The following HS6ST3 variants were observed in gnomAD, a reference collection of about 807,000 sequenced individuals.
HS6ST3 encodes the protein heparan-sulfate 6-O-sulfotransferase 3.
In HS6ST3, 12 loss-of-function variants were observed where a neutral mutation model predicts 36.7. The observed-to-expected ratio is 0.33, with a 90% confidence interval of 0.21 to 0.53. The LOEUF (loss-of-function observed/expected upper bound fraction) is 0.53. HS6ST3 is among the 20% of genes least tolerant of loss of function. HS6ST3 has a pLI of 0.95. For missense variants in HS6ST3, 584 were observed against 640.9 expected, an observed-to-expected ratio of 0.91 and a Z score of 0.96; for synonymous variants, 240 against 257.5, an observed-to-expected ratio of 0.93 and a Z score of 0.65.
At chr13:96,313,843 C>T (rs2054954186) in intron 1 of HS6ST3, among the ~76,000 whole-genome samples, 1 of 152,082 alleles carries the variant, frequency 6.6e-6, no homozygotes, top group African/African-American at 2.4e-5. Context: ...TGTGAGTCTC[C>T]TTGACTCTTT....
intron 1 of HS6ST3, among the ~76,000 whole-genome samples, chr13:96,247,198 TC>T (rs1376126900): frequency 6.6e-6 from 1 of 151,974 alleles, no homozygotes; most frequent in East Asian, 1.9e-4. Context: ...AGAACACCTC[TC>T]CAGTCCTTGG....
rs1267922009 is a variant in HS6ST3, at chr13:96,449,329, C to T, written c.707+357760C>T. ...TTGTCCAAAAAACATCCTCTCTCCC[C>T]TTCCACTCCAGGAAGATACTGCCAA... On this transcript the variant is annotated intron_variant, in intron 1 of 1. Coordinates refer to ENST00000376705, the MANE Select transcript of HS6ST3 (RefSeq NM_153456.4). 4.6e-5 allele frequency among the ~76,000 whole-genome samples: 7 copies of T among 152,316 alleles called. No homozygotes were observed. In the South Asian group the frequency reaches 1.4e-3, roughly 32 times the overall value.
intron 1 of HS6ST3, among the ~76,000 whole-genome samples, chr13:96,621,267 C>T (rs1053464985): frequency 3.3e-5 from 5 of 152,238 alleles, no homozygotes; most frequent in Admixed American, 1.3e-4. Context: ...CCCCAGGTGT[C>T]GAGGGAGGGA....
At chr13:96,535,011 G>A (rs892507894) in intron 1 of HS6ST3, among the ~76,000 whole-genome samples, 1 of 152,116 alleles carries the variant, frequency 6.6e-6, no homozygotes, top group Non-Finnish European at 1.5e-5. Context: ...TGAAAGCATA[G>A]CATTTCAAAG....
At chr13:96,288,467 A>G (rs2054814498) in intron 1 of HS6ST3, among the ~76,000 whole-genome samples, 1 of 152,022 alleles carries the variant, frequency 6.6e-6, no homozygotes, top group African/African-American at 2.4e-5. Context: ...GTGATCAACT[A>G]GGGTTACTGT....
At chr13:96,741,624 AAAATAC>A (rs1482838216) in intron 1 of HS6ST3, among the ~76,000 whole-genome samples, 2 of 152,158 alleles carry the variant, frequency 1.3e-5, no homozygotes, top group Admixed American at 6.6e-5. Flanking sequence ...TTGCTTGATA[AAAATAC>A]AAATCCCAAG....
chr13:96,396,363 A>C (rs1053411696), intron 1 of HS6ST3, among the ~76,000 whole-genome samples: 1 of 151,664 alleles, frequency 6.6e-6, no homozygotes, highest in South Asian at 2.1e-4. Flanking sequence ...CTCAGATAAC[A>C]TCTATAGGAT....
At chr13:96,768,335 T>G (rs993477489) in intron 1 of HS6ST3, among the ~76,000 whole-genome samples, 1 of 152,208 alleles carries the variant, frequency 6.6e-6, no homozygotes, top group Non-Finnish European at 1.5e-5. Flanking sequence ...TTCCCTCAGC[T>G]AGTTGACCGT....
At chr13:96,506,306 C>T (rs1161400675) in intron 1 of HS6ST3, among the ~76,000 whole-genome samples, 1 of 152,078 alleles carries the variant, frequency 6.6e-6, no homozygotes, top group Non-Finnish European at 1.5e-5. Flanking sequence ...ATGAGACAGT[C>T]TCAGGTTCCT....
intron 1 of HS6ST3, among the ~76,000 whole-genome samples, chr13:96,374,749 C>T (rs1331339427): frequency 4.6e-5 from 7 of 152,074 alleles, no homozygotes; most frequent in African/African-American, 1.7e-4. Context: ...TGACTTCCTG[C>T]CTCACTGACC....
At chr13:96,210,405 C>T (rs1196897839) in intron 1 of HS6ST3, among the ~76,000 whole-genome samples, 1 of 152,178 alleles carries the variant, frequency 6.6e-6, no homozygotes, top group Non-Finnish European at 1.5e-5. Flanking sequence ...ACTTTGCCAA[C>T]TTTGGCGGGT....
intron 1 of HS6ST3, among the ~76,000 whole-genome samples, chr13:96,371,062 A>G (rs1476512510): frequency 6.6e-6 from 1 of 152,216 alleles, no homozygotes; most frequent in East Asian, 1.9e-4. Context: ...TTTCTAAGTC[A>G]TTAATGCTGT....
At chr13:96,373,415 A>G (rs996854808) in intron 1 of HS6ST3, among the ~76,000 whole-genome samples, 1 of 152,208 alleles carries the variant, frequency 6.6e-6, no homozygotes, top group Non-Finnish European at 1.5e-5. Context: ...ATAGGACTAT[A>G]TATGTATTTT....
intron 1 of HS6ST3, among the ~76,000 whole-genome samples, chr13:96,520,468 T>C (rs1765008874): frequency 6.6e-6 from 1 of 152,234 alleles, no homozygotes; most frequent in Non-Finnish European, 1.5e-5. Context: ...TTCATGATAT[T>C]GATTCTTCCT....
intron 1 of HS6ST3, among the ~76,000 whole-genome samples, chr13:96,471,878 A>G (rs2055841705): frequency 6.6e-6 from 1 of 151,974 alleles, no homozygotes; most frequent in Non-Finnish European, 1.5e-5. Context: ...ACATGCATCT[A>G]TTTTTCTTGT....
intron 1 of HS6ST3, among the ~76,000 whole-genome samples, chr13:96,459,913 A>T (rs1294683948): frequency 1.3e-5 from 2 of 152,180 alleles, no homozygotes; most frequent in Non-Finnish European, 2.9e-5. Flanking sequence ...AAGTTGTAGG[A>T]GTGATGTAAA....
rs558134862 is a variant in HS6ST3 at position 96,132,094 on chromosome 13, C to T, written c.707+40525C>T. On this transcript the variant is annotated intron_variant, in intron 1 of 1. Transcript: ENST00000376705. ...TTTTGCAAATGACAAGATTTCCTTCCGTTTTTCAGACTGAATAGTATTCCA... is the reference window on the plus strand; with the variant it reads ...TTTTGCAAATGACAAGATTTCCTTCTGTTTTTCAGACTGAATAGTATTCCA... Among the ~76,000 whole-genome samples the T allele has an allele frequency of 2.8e-5, 4 of 141,728 alleles. No homozygotes were observed. The South Asian group carries it at 9.8e-4, about 35-fold the overall frequency. 93.0% of individuals were successfully genotyped at this position (141,728 alleles called of 152,430 possible).
In HS6ST3 at chr13:96,775,046, G is replaced by T. The variant is rs140531455; in HGVS notation, c.708-57444G>T. 4.1e-3 allele frequency among the ~76,000 whole-genome samples: 621 copies of T among 152,224 alleles called. 2 individuals carry two copies. The highest frequency in any genetic ancestry group is 7.6e-3 in the Non-Finnish European group (517 of 68,014). ...CAATATTCAACATTCTTAAAGAAAA[G>T]AATTTTCAACCCAGAGTTTCATATC... On this transcript the variant is annotated intron_variant, in intron 1 of 1. Transcript: ENST00000376705.
intron 1 of HS6ST3, among the ~76,000 whole-genome samples, chr13:96,317,364 AT>A: frequency 5.2e-5 from 1 of 19,324 alleles, no homozygotes; most frequent in African/African-American, 2.1e-4. Context: ...ATATATATAT[AT>A]ATAAAATTAT....
Sources: gnomAD v4.1 joint callset for allele counts (sites outside exome capture counted in the v4.1 genomes callset) on GRCh38, gnomAD v4.1.1 for gene constraint, MANE v1.5 for transcripts, NCBI Gene and HGNC (gene_info 2026-07-23, HGNC 2026-07-21) for gene names.